The following MTRR variants were observed in gnomAD, a reference collection of about 807,000 sequenced individuals.
The protein encoded by MTRR is methionine synthase reductase.
In MTRR, 63 loss-of-function variants were observed where a neutral mutation model predicts 79.2. The ratio of observed to expected loss-of-function variants is 0.80; its 90% CI spans 0.65 to 0.98. MTRR has a LOEUF of 0.98. Among genes scored for constraint, MTRR ranks in the 50% least tolerant of loss-of-function variants. The pLI is 0.00. For synonymous variants in MTRR, 355 were observed against 313.3 expected, an observed-to-expected ratio of 1.13 and a Z score of -1.41; for missense variants, 895 against 839.6, an observed-to-expected ratio of 1.07 and a Z score of -0.82.
chr5:7,861,581 A>G lies in MTRR; in HGVS notation n.392-370A>G, dbSNP rs147411937. 1.6e-4 allele frequency: 245 copies of G among 1,578,550 alleles called. No individual in the cohort carries two copies. The highest frequency in any genetic ancestry group is 1.9e-4 in the Non-Finnish European group (224 of 1,161,722). On this transcript the variant is annotated intron_variant and non_coding_transcript_variant, in intron 1 of 3. Transcript: ENST00000502509. Reference sequence around the variant, plus strand: ...TGTGAAAAACACAACATTTTCCTGTACCTTTTATGGATATCTTCATTAGCT... The same window carrying G: ...TGTGAAAAACACAACATTTTCCTGTGCCTTTTATGGATATCTTCATTAGCT...
upstream of MTRR, chr5:7,850,976 TGCCCCGCAGCGTGGAC>T: frequency 7.6e-7 from 1 of 1,309,920 alleles, no homozygotes; most frequent in Non-Finnish European, 9.7e-7. Context: ...GGCCTGGGCT[TGCCCCGCAGCGTGGAC>T]GCGGTGGTCT....
In MTRR at chr5:7,901,011, G is replaced by A. The variant is rs1739387211; in HGVS notation, c.*953G>A. On this transcript the variant is annotated 3_prime_UTR_variant, in exon 15 of 15. Transcript: ENST00000440940. ...AATGTTATGATAATCTTTCTCCACT[G>A]TTCTAATATATATTGTATTTTTATT... 1 of 152,026 alleles carries A rather than the reference G, an allele frequency of 6.6e-6. No individual in the cohort carries two copies. The highest frequency in any genetic ancestry group is 1.5e-5 in the Non-Finnish European group (1 of 68,006). The allele number at this position is 152,026 out of a possible 1,614,324, so 9.4% of individuals were successfully genotyped here.
chr5:7,891,674 T>A (rs1283357362), intron 10 of MTRR, among the ~76,000 whole-genome samples: 1 of 152,118 alleles, frequency 6.6e-6, no homozygotes, highest in Non-Finnish European at 1.5e-5. Flanking sequence ...TCCACATGCT[T>A]CCTGTGTCCG....
At position 7,899,967 on chromosome 5, in the gene MTRR, G is replaced by A. The variant is rs201686214; in HGVS notation, c.2006G>A (p.Ser669Asn). 3.2e-5 allele frequency: 52 copies of A among 1,614,020 alleles called. No homozygotes were observed. The highest frequency in any genetic ancestry group is 3.9e-5 in the Non-Finnish European group (46 of 1,180,022). The change falls in exon 15 of 15, where the codon AGC (serine) becomes AAC (asparagine). Residue 669 changes from serine (S) to asparagine (N), a missense_variant. Coordinates refer to ENST00000440940, the MANE Select transcript of MTRR (RefSeq NM_002454.3). ...DVHDALVQII[S>N]KEVGVEKLEA... ...CATGATGCCCTTGTGCAAATAATAAGCAAAGAGGTTGGAGTTGAAAAACTA... is the reference window on the plus strand; with the variant it reads ...CATGATGCCCTTGTGCAAATAATAAACAAAGAGGTTGGAGTTGAAAAACTA...
At chr5:7,889,737 G>T (rs992496817) in intron 9 of MTRR, among the ~76,000 whole-genome samples, 1 of 152,208 alleles carries the variant, frequency 6.6e-6, no homozygotes, top group Non-Finnish European at 1.5e-5. Context: ...TGTGCTGTGT[G>T]CAGAATGCAG....
chr5:7,873,251 A>G (rs1748309660), intron 2 of MTRR, 122 bp from the exon 3 acceptor site: 1 of 1,324,838 alleles, frequency 7.5e-7, no homozygotes, highest in South Asian at 1.2e-5. Flanking sequence ...GTCGTCTCAA[A>G]AAAACTGGCA....
intron 2 of MTRR, among the ~76,000 whole-genome samples, chr5:7,871,503 C>T (rs1747991214): frequency 6.6e-6 from 1 of 152,194 alleles, no homozygotes; most frequent in Admixed American, 6.5e-5. Flanking sequence ...TTGCTGCCTC[C>T]AGATTATACT....
At chr5:7,897,667 T>C (rs1738764973) in intron 14 of MTRR, among the ~76,000 whole-genome samples, 1 of 152,218 alleles carries the variant, frequency 6.6e-6, no homozygotes, top group East Asian at 1.9e-4. Context: ...ATACTAGGAT[T>C]CTTTTTCTGC....
chr5:7,876,818 G>A (rs148338287), intron 4 of MTRR, among the ~76,000 whole-genome samples: 56 of 152,260 alleles, frequency 3.7e-4, no homozygotes, highest in African/African-American at 1.2e-3. Context: ...AATACATGTC[G>A]TCCTCTTAGA....
At chr5:7,860,192 AG>A (rs1746434100) in intron 1 of MTRR, among the ~76,000 whole-genome samples, 1 of 152,148 alleles carries the variant, frequency 6.6e-6, no homozygotes, top group South Asian at 2.1e-4. Context: ...GATTAGTTTT[AG>A]GAATATTCAG....
intron 1 of MTRR, chr5:7,861,871 C>T (rs1057460586): frequency 3.1e-5 from 30 of 972,060 alleles, no homozygotes; most frequent in Non-Finnish European, 3.4e-5. Context: ...AGCTCAATAA[C>T]GCTAAACCAC....
Sources: allele counts gnomAD v4.1 joint callset (sites outside exome capture counted in the v4.1 genomes callset), GRCh38; gene constraint gnomAD v4.1.1; transcripts MANE v1.5; gene names NCBI Gene and HGNC (gene_info 2026-07-23, HGNC 2026-07-21).